Variants in RIMS2 observed in about 807,000 individuals in gnomAD.
RIMS2 encodes the protein regulating synaptic membrane exocytosis 2, also known as regulating synaptic membrane exocytosis protein 2.
RIMS2 carries 59 observed loss-of-function variants against 174.4 expected under a neutral mutation model. The ratio of observed to expected loss-of-function variants is 0.34; its 90% CI spans 0.27 to 0.42. RIMS2 has a LOEUF of 0.42. Ranked by LOEUF, RIMS2 falls within the 10% of genes least tolerant of loss-of-function variation. The pLI, the probability that RIMS2 is intolerant of heterozygous loss-of-function variation, is 1.00. For missense variants in RIMS2, 1,620 were observed against 1,666.3 expected (o/e 0.97, Z 0.48); for synonymous variants, 606 against 572.5 (o/e 1.06, Z -0.84).
intron 1 of RIMS2, among the ~76,000 whole-genome samples, chr8:103,562,629 G>C (rs1253674778): frequency 6.6e-6 from 1 of 152,094 alleles, no homozygotes; most frequent in Non-Finnish European, 1.5e-5. Context: ...GCTGTCAGTG[G>C]GTCTACTATT....
intron 1 of RIMS2, among the ~76,000 whole-genome samples, chr8:103,539,661 C>G (rs1386284381): frequency 6.6e-6 from 1 of 152,218 alleles, no homozygotes; most frequent in Non-Finnish European, 1.5e-5. Context: ...GTCATTCCCT[C>G]TGAGGGATCC....
intron 19 of RIMS2, among the ~76,000 whole-genome samples, chr8:104,056,130 C>T (rs1597873606): frequency 2.0e-5 from 3 of 152,202 alleles, no homozygotes; most frequent in African/African-American, 2.4e-5. Flanking sequence ...ACCGGCCAGG[C>T]GTGGTGGCTC....
intron 19 of RIMS2, among the ~76,000 whole-genome samples, chr8:104,114,656 T>C (rs887555146): frequency 6.6e-6 from 1 of 151,954 alleles, no homozygotes; most frequent in African/African-American, 2.4e-5. Context: ...CAAAGTAAGA[T>C]TCTAGGAACT....
intron 19 of RIMS2, among the ~76,000 whole-genome samples, chr8:104,170,706 G>C (rs932602427): frequency 6.6e-6 from 1 of 151,922 alleles, no homozygotes; most frequent in Non-Finnish European, 1.5e-5. Flanking sequence ...CATATTAGCT[G>C]TTACCTAGAT....
intron 1 of RIMS2, among the ~76,000 whole-genome samples, chr8:103,586,497 C>T (rs1341293607): frequency 4.6e-5 from 7 of 151,942 alleles, no homozygotes; most frequent in Non-Finnish European, 5.9e-5. Flanking sequence ...TTGAAATGAC[C>T]AGTGAGTCAA....
At chr8:104,061,493 T>C (rs1209069700) in intron 19 of RIMS2, among the ~76,000 whole-genome samples, 1 of 151,908 alleles carries the variant, frequency 6.6e-6, no homozygotes. Context: ...AAATCATGTA[T>C]TAACCCAAAT....
At chr8:104,180,106 G>C (rs899604512) in intron 19 of RIMS2, among the ~76,000 whole-genome samples, 1 of 151,732 alleles carries the variant, frequency 6.6e-6, no homozygotes, top group Non-Finnish European at 1.5e-5. Context: ...ATGCTCTATT[G>C]AAGGGCATTT....
intron 1 of RIMS2, among the ~76,000 whole-genome samples, chr8:103,525,013 G>A (rs1178787541): frequency 1.3e-5 from 2 of 152,192 alleles, no homozygotes; most frequent in Admixed American, 1.3e-4. Context: ...TTTCAAGGGA[G>A]TGTGACAAAT....
At chr8:103,718,030 A>G (rs933177556) in intron 2 of RIMS2, among the ~76,000 whole-genome samples, 5 of 152,204 alleles carry the variant, frequency 3.3e-5, no homozygotes, top group African/African-American at 1.2e-4. Context: ...TTCAACTTCT[A>G]AGGCAATATA....
At chr8:103,762,451 G>A (rs552338082) in intron 2 of RIMS2, among the ~76,000 whole-genome samples, 4 of 152,174 alleles carry the variant, frequency 2.6e-5, no homozygotes, top group South Asian at 4.1e-4. Context: ...TTAGCAAAAG[G>A]CCTGTGACTT....
intron 3 of RIMS2, among the ~76,000 whole-genome samples, chr8:103,851,013 A>C (rs567995129): frequency 6.6e-6 from 1 of 152,168 alleles, no homozygotes; most frequent in South Asian, 2.1e-4. Flanking sequence ...GTTTTGGAAA[A>C]GTAACTTACA....
At chr8:104,078,165 A>T (rs2097336873) in intron 19 of RIMS2, among the ~76,000 whole-genome samples, 1 of 88,742 alleles carries the variant, frequency 1.1e-5, no homozygotes, top group Admixed American at 1.0e-4. Flanking sequence ...AAACAAACCA[A>T]AAAAAAAAAA....
chr8:104,014,430 T>C (rs2095847419), intron 18 of RIMS2, 76 bp from the exon 21 acceptor site: 1 of 786,138 alleles, frequency 1.3e-6, no homozygotes, highest in Non-Finnish European at 2.1e-6. Context: ...TATACAGCTA[T>C]CATATGAACC....
In RIMS2 at chr8:104,043,835, T is replaced by C. The variant is rs535666170; in HGVS notation, c.3334+29220T>C. Among the ~76,000 whole-genome samples, 37 of 151,718 alleles carry C rather than the reference T, an allele frequency of 2.4e-4. No homozygotes were observed. The South Asian group carries it at 7.5e-3, about 31-fold the overall frequency. On this transcript the variant is annotated intron_variant, in intron 19 of 23. Transcript: ENST00000504942. ...ACAAATTTTGATGCTAGCATTTTTA[T>C]ACAGACAATGAAATTATTGAGGGCC...
intron 1 of RIMS2, among the ~76,000 whole-genome samples, chr8:103,623,397 TG>T (rs1219927958): frequency 2.0e-5 from 3 of 151,948 alleles, no homozygotes; most frequent in African/African-American, 7.2e-5. Context: ...ATATGTAGTA[TG>T]TGTGGCAAAT....
intron 3 of RIMS2, among the ~76,000 whole-genome samples, chr8:103,871,071 AT>A (rs551596800): frequency 2.0e-5 from 3 of 152,290 alleles, no homozygotes; most frequent in African/African-American, 7.2e-5. Context: ...GCCATTTCAA[AT>A]TCATTGTGCA....
At chr8:104,078,675 T>A (rs2097347767) in intron 19 of RIMS2, among the ~76,000 whole-genome samples, 1 of 152,236 alleles carries the variant, frequency 6.6e-6, no homozygotes. Context: ...TAGCTAATGA[T>A]CTTTTAAATT....
At chr8:103,551,775 G>A (rs1848053609) in intron 1 of RIMS2, among the ~76,000 whole-genome samples, 1 of 152,008 alleles carries the variant, frequency 6.6e-6, no homozygotes, top group East Asian at 1.9e-4. Context: ...AAATCAATGT[G>A]CAAAAATCAC....
At chr8:103,569,538 A>G (rs1475491680) in intron 1 of RIMS2, among the ~76,000 whole-genome samples, 1 of 152,134 alleles carries the variant, frequency 6.6e-6, no homozygotes, top group Non-Finnish European at 1.5e-5. Flanking sequence ...TTTTTTCCCA[A>G]TAATGATTTG....
Sources: allele counts gnomAD v4.1 joint callset (sites outside exome capture counted in the v4.1 genomes callset), GRCh38; gene constraint gnomAD v4.1.1; transcripts MANE v1.5; gene names NCBI Gene and HGNC (gene_info 2026-07-23, HGNC 2026-07-21).